Variants in SVEP1 observed in about 807,000 individuals in gnomAD.
SVEP1 encodes the protein sushi, von Willebrand factor type A, EGF and pentraxin domain containing 1, also known as sushi, von Willebrand factor type A, EGF and pentraxin domain-containing protein 1.
A neutral mutation model predicts 367.3 loss-of-function variants in SVEP1; 164 were observed. The observed-to-expected ratio is 0.45, with a 90% CI of 0.39 to 0.51. SVEP1 has a LOEUF of 0.51. SVEP1 is among the 20% of genes least tolerant of loss of function. The pLI, the probability that SVEP1 is intolerant of heterozygous loss-of-function variation, is 0.00. For synonymous variants in SVEP1, 1,666 were observed against 1,611.6 expected (o/e 1.03, Z -0.81); for missense variants, 4,117 against 4,425.3 (o/e 0.93, Z 1.98).
At chr9:110,450,916 T>C (rs1252347373) in intron 23 of SVEP1, among the ~76,000 whole-genome samples, 13 of 152,210 alleles carry the variant, frequency 8.5e-5, no homozygotes, top group Admixed American at 7.9e-4. Context: ...TTTCCTTCAC[T>C]GGACACTTTC....
At chr9:110,490,301 A>G (rs781039638) in intron 8 of SVEP1, among the ~76,000 whole-genome samples, 9 of 152,134 alleles carry the variant, frequency 5.9e-5, no homozygotes, top group Non-Finnish European at 1.2e-4. Context: ...GATATCCATC[A>G]CCTTAAATAT....
In SVEP1 at chr9:110,408,680, G is replaced by T; in HGVS notation, c.6920C>A (p.Ser2307Tyr). The T allele has an allele frequency of 6.2e-7, 1 of 1,614,008 alleles. No homozygotes were observed. Among genetic ancestry groups the T allele is most frequent in the Non-Finnish European group, 8.5e-7 (1 of 1,179,902 alleles). ...ATTTGACTTCTTATTCCATTTGCCA[G>T]ATTTCTGACATGTCCAAGAACTGTC... ...VGDSSWTCQK[S>Y]GKWNKKSNPK... Residue 2307 changes from serine (S) to tyrosine (Y), a missense_variant, in exon 38 of 48, where the codon TCT (serine) becomes TAT (tyrosine). Coordinates refer to ENST00000374469, the MANE Select transcript of SVEP1 (RefSeq NM_153366.4).
chr9:110,542,807 A>C (rs1830167716), intron 3 of SVEP1, among the ~76,000 whole-genome samples: 1 of 120,974 alleles, frequency 8.3e-6, no homozygotes, highest in Non-Finnish European at 1.6e-5. Flanking sequence ...TGTTGGCTGC[A>C]CAAATGTCTT....
intron 36 of SVEP1, among the ~76,000 whole-genome samples, chr9:110,414,708 G>C (rs1177845070): frequency 1.3e-5 from 2 of 151,890 alleles, no homozygotes; most frequent in African/African-American, 2.4e-5. Flanking sequence ...GCATGTGCCT[G>C]GAGAGCTTTA....
In SVEP1 at chr9:110,400,842, T is replaced by C; in HGVS notation, c.9822+12A>G. The C allele has an allele frequency of 1.3e-6, 2 of 1,597,316 alleles. No individual in the cohort carries two copies. The highest frequency in any genetic ancestry group is 1.7e-6 in the Non-Finnish European group (2 of 1,172,464). On this transcript the variant is annotated intron_variant, in intron 40 of 47. Coordinates refer to ENST00000374469, the MANE Select transcript of SVEP1 (RefSeq NM_153366.4). ...AACAAATTATTTCTAGTTAAACAAT[T>C]TGTTCGCTTACCTCTAGTTCATAGC...
rs981259976 is a variant in SVEP1 at position 110,434,481 on chromosome 9, C to T, written c.4914G>A (p.Val1638=). ...CTTCAGATGCAGTTCTCAGATGAGG[C>T]ACTGACCCTCCTAAGCGTGGGCAAT... ...CSDCPRLGGS[V]PHLRTASEDL... The change falls in exon 30 of 48, where the codon GTG becomes GTA. Residue 1638 remains valine (V), a synonymous_variant. Transcript: ENST00000374469. The T allele has an allele frequency of 1.1e-5, 18 of 1,613,140 alleles. No individual in the cohort carries two copies. The highest frequency in any genetic ancestry group is 1.4e-5 in the Non-Finnish European group (17 of 1,179,682).
At chr9:110,459,746 C>CT (rs1323745967) in intron 18 of SVEP1, among the ~76,000 whole-genome samples, 1 of 152,038 alleles carries the variant, frequency 6.6e-6, no homozygotes, top group Non-Finnish European at 1.5e-5. Context: ...TATGAAATCA[C>CT]TCTTTTCACT....
intron 3 of SVEP1, among the ~76,000 whole-genome samples, chr9:110,541,831 CTATATACATAGATATCTAT>C (rs1830151848): frequency 7.2e-6 from 1 of 138,952 alleles, no homozygotes; most frequent in African/African-American, 2.6e-5. Flanking sequence ...CTATATATAT[CTATATACATAGATATCTAT>C]ATATATCTAT....
chr9:110,484,265 G>A (rs376508867), intron 9 of SVEP1, among the ~76,000 whole-genome samples: 14 of 152,266 alleles, frequency 9.2e-5, no homozygotes, highest in African/African-American at 3.1e-4. Flanking sequence ...GATTTCTAAG[G>A]TTGACAAATT....
chr9:110,451,441 G>T lies in SVEP1; in HGVS notation c.3788-39C>A. 4 of 1,543,152 alleles carry T rather than the reference G, an allele frequency of 2.6e-6. No individual in the cohort carries two copies. In the South Asian group the frequency reaches 3.4e-5, roughly 13 times the overall value. ...TTCATCTTTGAGCTGGAGAAAACTT[G>T]ACAGAACTTTAAGACCAATAGTTTC... On this transcript the variant is annotated intron_variant, in intron 22 of 47. Coordinates refer to ENST00000374469, the MANE Select transcript of SVEP1 (RefSeq NM_153366.4).
chr9:110,434,686 A>AAAAAAAAAAAAAAAAAAAT (rs1828406661), intron 29 of SVEP1, among the ~76,000 whole-genome samples, 180 bp from the exon 30 acceptor site: 1 of 149,386 alleles, frequency 6.7e-6, no homozygotes, highest in Non-Finnish European at 1.5e-5. Context: ...AAAAAAAAAA[A>AAAAAAAAAAAAAAAAAAAT]GCATTTAAGT....
At chr9:110,536,613 G>A (rs534418830) in intron 3 of SVEP1, among the ~76,000 whole-genome samples, 1 of 152,020 alleles carries the variant, frequency 6.6e-6, no homozygotes, top group African/African-American at 2.4e-5. Context: ...GCCCCGAGGT[G>A]AAAAATCTTT....
chr9:110,437,169 T>G (rs552475454), intron 27 of SVEP1, among the ~76,000 whole-genome samples: 1 of 152,180 alleles, frequency 6.6e-6, no homozygotes, highest in East Asian at 1.9e-4. Context: ...TTCTGGCCAA[T>G]GAAGAGCCAG....
Position 110,579,497 on chromosome 9 carries a change from G to T in SVEP1, c.47C>A (p.Ser16Ter). The change falls in exon 1 of 48, where the codon TCG becomes TAG. Residue 16 changes from serine to a stop codon, truncating the protein, a stop_gained. Transcript: ENST00000374469. LOFTEE classifies it high-confidence loss of function. The surrounding 1 kb of genome is among the most constrained non-coding windows in gnomAD (Gnocchi z 5.3). ...CATCTGCTGAAAGGTCGCCCAGCCC[G>T]AAACGAGCGCCAGACCCCAGCAACA... ...AFCCWGLALV[S>*]GWATFQQMSP... 6.2e-7 allele frequency: 1 copy of T among 1,605,526 alleles called. No individual in the cohort carries two copies. The highest frequency in any genetic ancestry group is 8.5e-7 in the Non-Finnish European group (1 of 1,177,060).
intron 46 of SVEP1, among the ~76,000 whole-genome samples, chr9:110,373,631 TAAG>T (rs1827309202): frequency 6.6e-6 from 1 of 152,078 alleles, no homozygotes; most frequent in African/African-American, 2.4e-5. Context: ...CCCTATGTTT[TAAG>T]TGGTGGCTTA....
At chr9:110,371,823 C>A (rs949643126) in intron 46 of SVEP1, among the ~76,000 whole-genome samples, 1 of 152,218 alleles carries the variant, frequency 6.6e-6, no homozygotes, top group Non-Finnish European at 1.5e-5. Flanking sequence ...CTCCAGACTT[C>A]ACTAATTCTT....
intron 10 of SVEP1, among the ~76,000 whole-genome samples, chr9:110,482,817 C>T (rs1016067511): frequency 5.9e-5 from 9 of 152,120 alleles, no homozygotes; most frequent in Non-Finnish European, 1.2e-4. Flanking sequence ...TGTGAGTCAC[C>T]GCGCCCAGCC....
intron 28 of SVEP1, 96 bp downstream of exon 28, chr9:110,436,284 C>T (rs1440000041): frequency 2.1e-6 from 3 of 1,454,770 alleles, no homozygotes; most frequent in Non-Finnish European, 2.8e-6. Context: ...TAACCAAGAG[C>T]TTACAATAAG....
At chr9:110,399,812 G>A (rs1181018261) in intron 40 of SVEP1, among the ~76,000 whole-genome samples, 6 of 152,170 alleles carry the variant, frequency 3.9e-5, no homozygotes, top group Non-Finnish European at 7.3e-5. Flanking sequence ...GGGATTACAG[G>A]TGTGAGTCAC....
Sources: gnomAD v4.1 joint callset for allele counts (sites outside exome capture counted in the v4.1 genomes callset) on GRCh38, gnomAD v4.1.1 for gene constraint, Gnocchi (gnomAD v3.1) non-coding constraint, MANE v1.5 for transcripts, NCBI Gene and HGNC (gene_info 2026-07-23, HGNC 2026-07-21) for gene names.